The following WASHC2C variants were observed in gnomAD, a reference collection of about 807,000 sequenced individuals.
WASHC2C encodes the protein WASH complex subunit 2C.
WASHC2C carries 73 observed loss-of-function variants against 142.2 expected under a neutral mutation model. The ratio of observed to expected loss-of-function variants is 0.51; its 90% confidence interval spans 0.43 to 0.62. WASHC2C has a LOEUF of 0.62. WASHC2C is among the 20% of genes least tolerant of loss of function. The pLI, the probability that WASHC2C is intolerant of heterozygous loss-of-function variation, is 0.00. For missense variants in WASHC2C, 969 were observed against 1,531.7 expected (o/e 0.63, Z 6.13); for synonymous variants, 337 against 565.5 (o/e 0.60, Z 5.73).
intron 5 of WASHC2C, among the ~76,000 whole-genome samples, chr10:45,740,520 A>G (rs2051873385): frequency 6.6e-6 from 1 of 152,258 alleles, no homozygotes; most frequent in South Asian, 2.1e-4. Context: ...GAGAGGAGAC[A>G]TACATACGAA....
At chr10:45,728,733 A>ATC (rs2050208393) in intron 2 of WASHC2C, 129 bp from the exon 3 acceptor site, 1 of 1,267,624 alleles carries the variant, frequency 7.9e-7, no homozygotes, top group African/African-American at 1.5e-5. Flanking sequence ...TCTCTCTCAA[A>ATC]AAAAAAAAAA....
Position 45,787,187 on chromosome 10 carries a change from G to A in WASHC2C, c.3027G>A (p.Gly1009=). ...GTGTGCCTGTCCTTCCCGGGAGTGG[G>A]GAGGCCGGTGTGAGTTTTGATCTTC... ...LESVPVLPGS[G]EAGVSFDLPA... Residue 1009 remains glycine (G), a synonymous_variant, in exon 28 of 31, where the codon GGG becomes GGA. Coordinates refer to ENST00000623400, the MANE Select transcript of WASHC2C (RefSeq NM_001330074.2). 2 of 1,548,308 alleles carry A rather than the reference G, an allele frequency of 1.3e-6. No individual in the cohort carries two copies. The highest frequency in any genetic ancestry group is 1.8e-6 in the Non-Finnish European group (2 of 1,139,788).
intron 23 of WASHC2C, among the ~76,000 whole-genome samples, chr10:45,784,279 T>TAC (rs1474165815): frequency 9.3e-4 from 7 of 7,566 alleles, no homozygotes; most frequent in South Asian, 0.019. Context: ...TATATATATA[T>TAC]ATATATATAT....
At position 45,752,710 on chromosome 10, in the gene WASHC2C, A is replaced by T. The variant is rs1554875401; in HGVS notation, c.1122+4A>T. 6.2e-7 allele frequency: 1 copy of T among 1,609,028 alleles called. No homozygotes were observed. The highest frequency in any genetic ancestry group is 1.7e-5 in the Admixed American group (1 of 59,862). ...ATTTGATGATGAGGACGAGGAGGTG[A>T]GTCCATGGCACCCAGCAACACTCCC... On this transcript the variant is annotated splice_donor_region_variant and intron_variant, in intron 12 of 30. Coordinates refer to ENST00000623400, the MANE Select transcript of WASHC2C (RefSeq NM_001330074.2).
Position 45,769,624 on chromosome 10 carries a change from A to G in WASHC2C, c.2039+6A>G, listed in dbSNP as rs781831781. ...TTTGCCATTGCCAAGGACAGGTGAG[A>G]TAGTCATTGGAAGGAGTCCCTCACT... On this transcript the variant is annotated splice_donor_region_variant and intron_variant, in intron 20 of 30. Transcript: ENST00000623400. 2 of 1,611,934 alleles carry G rather than the reference A, an allele frequency of 1.2e-6. No homozygotes were observed. Among genetic ancestry groups the G allele is most frequent in the South Asian group, 2.2e-5 (2 of 90,982 alleles).
intron 17 of WASHC2C, 151 bp from the exon 18 acceptor site, chr10:45,763,237 T>G (rs2055363206): frequency 1.7e-6 from 1 of 602,068 alleles, no homozygotes; most frequent in Admixed American, 3.0e-5. Flanking sequence ...GCCTATCCCT[T>G]TAAGGACTCT....
At chr10:45,750,034 T>C (rs1554873443) in intron 8 of WASHC2C, 62 bp from the exon 9 acceptor site, 1 of 1,469,610 alleles carries the variant, frequency 6.8e-7, no homozygotes, top group East Asian at 2.4e-5. Flanking sequence ...GCCTAAAGGC[T>C]GACAGTATCT....
intron 15 of WASHC2C, 36 bp from the exon 16 acceptor site, chr10:45,756,976 C>T (rs372981442): frequency 2.1e-5 from 32 of 1,540,744 alleles, no homozygotes; most frequent in South Asian, 2.4e-5. Context: ...GGATGTTTGA[C>T]GTTAGTGTCA....
intron 25 of WASHC2C, 44 bp downstream of exon 25, chr10:45,784,945 T>C (rs1554889454): frequency 6.2e-7 from 1 of 1,610,566 alleles, no homozygotes; most frequent in African/African-American, 1.3e-5. Flanking sequence ...TGGGAAAGAT[T>C]CTGGGAAAGG....
Position 45,792,687 on chromosome 10 carries a change from A to G in WASHC2C, c.*287A>G. ...ATGCTTCAGGGTGTGTAAAAGAAGAAATCTCTTTGTGGCTTTCATGGGCAG... is the reference window on the plus strand; with the variant it reads ...ATGCTTCAGGGTGTGTAAAAGAAGAGATCTCTTTGTGGCTTTCATGGGCAG... On this transcript the variant is annotated 3_prime_UTR_variant, in exon 31 of 31. Transcript: ENST00000623400. The G allele has an allele frequency of 1.9e-6, 1 of 524,284 alleles. No homozygotes were observed. Among genetic ancestry groups the G allele is most frequent in the Non-Finnish European group, 3.6e-6 (1 of 280,916 alleles). 32.5% of individuals were successfully genotyped at this position (524,284 alleles called of 1,614,324 possible).
At chr10:45,777,077 G>A (rs1398404445) in intron 21 of WASHC2C, among the ~76,000 whole-genome samples, 196 bp from the exon 22 acceptor site, 1 of 151,804 alleles carries the variant, frequency 6.6e-6, no homozygotes, top group Admixed American at 6.6e-5. Context: ...GGCGTGAAGT[G>A]TCCTGTCCAC....
intron 19 of WASHC2C, among the ~76,000 whole-genome samples, chr10:45,766,626 G>A (rs12246952): frequency 0.13 from 18,477 of 140,024 alleles, 323 homozygotes; most frequent in Admixed American, 0.18. Context: ...TAGAACTATA[G>A]TTAGGAGGAG....
At chr10:45,772,122 T>C (rs2056651205) in intron 20 of WASHC2C, among the ~76,000 whole-genome samples, 1 of 152,200 alleles carries the variant, frequency 6.6e-6, no homozygotes, top group Non-Finnish European at 1.5e-5. Flanking sequence ...GAAAATTTTA[T>C]GTTACTTGAA....
chr10:45,729,987 T>C (rs2050341467), intron 3 of WASHC2C, among the ~76,000 whole-genome samples: 1 of 150,682 alleles, frequency 6.6e-6, no homozygotes, highest in South Asian at 2.1e-4. Context: ...TTAATAAAGG[T>C]GTTAGAGATC....
At position 45,768,234 on chromosome 10, in the gene WASHC2C, GAAAAAAAAA is replaced by G. The variant is rs1169870861; in HGVS notation, c.1870-1202_1870-1194del. Among the ~76,000 whole-genome samples, 531 of 76,490 alleles carry G rather than the reference GAAAAAAAAA, an allele frequency of 6.9e-3. 2 individuals carry two copies. The highest frequency in any genetic ancestry group is 0.032 in the South Asian group (72 of 2,274). 50.2% of individuals were successfully genotyped at this position (76,490 alleles called of 152,430 possible). On this transcript the variant is annotated intron_variant, in intron 19 of 30. Transcript: ENST00000623400. ...AGAGCAAGACTCTGTCTCGAAAAAG[GAAAAAAAAA>G]AAAAAAAAAAAAGAAAGAGAAGACC...
At chr10:45,745,441 G>A (rs1289062825) in intron 7 of WASHC2C, among the ~76,000 whole-genome samples, 16 of 151,948 alleles carry the variant, frequency 1.1e-4, no homozygotes, top group Middle Eastern at 3.4e-3. Context: ...TGGGATATTC[G>A]TTATTGGAAA....
chr10:45,782,455 G>T (rs1247207312), intron 23 of WASHC2C, among the ~76,000 whole-genome samples: 1 of 149,810 alleles, frequency 6.7e-6, no homozygotes, highest in Non-Finnish European at 1.5e-5. Flanking sequence ...AAAAAAAAGG[G>T]AAGTAACGAG....
chr10:45,758,965 CT>C (rs1213252088), intron 16 of WASHC2C, among the ~76,000 whole-genome samples: 1 of 151,300 alleles, frequency 6.6e-6, no homozygotes, highest in Non-Finnish European at 1.5e-5. Context: ...GTGTCATGTC[CT>C]GGCTGTGAAG....
Position 45,787,179 on chromosome 10 carries a change from G to A in WASHC2C, c.3019G>A (p.Gly1007Arg), listed in dbSNP as rs573917386. ...HGLESVPVLP[G>R]SGEAGVSFDL... ...TCTGGAAAGTGTGCCTGTCCTTCCCGGGAGTGGGGAGGCCGGTGTGAGTTT... is the reference window on the plus strand; with the variant it reads ...TCTGGAAAGTGTGCCTGTCCTTCCCAGGAGTGGGGAGGCCGGTGTGAGTTT... Residue 1007 changes from glycine to arginine, a missense_variant, in exon 28 of 31, where the codon GGG becomes AGG. Transcript: ENST00000623400. The A allele has an allele frequency of 5.7e-5, 89 of 1,552,252 alleles. 3 individuals carry two copies. Among genetic ancestry groups the A allele is most frequent in the South Asian group, 5.7e-4 (49 of 86,556 alleles).
Sources: gnomAD v4.1 joint callset for allele counts (sites outside exome capture counted in the v4.1 genomes callset) on GRCh38, gnomAD v4.1.1 for gene constraint, MANE v1.5 for transcripts, NCBI Gene and HGNC (gene_info 2026-07-23, HGNC 2026-07-21) for gene names.